The following OAF variants were observed in gnomAD, a reference collection of about 807,000 sequenced individuals.
OAF encodes the protein out at first protein homolog.
Under a neutral mutation model 22.5 loss-of-function variants are expected in OAF, and 13 were observed. The observed-to-expected ratio is 0.58, with a 90% confidence interval of 0.38 to 0.92. The LOEUF is 0.92. Among genes scored for constraint, OAF ranks in the 40% least tolerant of loss-of-function variants. The pLI is 0.00. For missense variants in OAF, 347 were observed against 381.8 expected (o/e 0.91, Z 0.76); for synonymous variants, 175 against 170.5 (o/e 1.03, Z -0.21).
intron 1 of OAF, among the ~76,000 whole-genome samples, chr11:120,220,800 A>C (rs1938271750): frequency 6.6e-6 from 1 of 152,206 alleles, no homozygotes. Flanking sequence ...GGTTCAGTGC[A>C]TGGGAAGTGC....
intron 1 of OAF, among the ~76,000 whole-genome samples, chr11:120,215,267 T>C (rs187558504): frequency 1.2e-3 from 189 of 152,260 alleles, no homozygotes; most frequent in African/African-American, 3.8e-3. Context: ...GGCAGGAGAA[T>C]CGCTTGAATC....
At chr11:120,225,944 G>T in intron 2 of OAF, 149 bp downstream of exon 2, 1 of 654,484 alleles carries the variant, frequency 1.5e-6, no homozygotes, top group African/African-American at 1.9e-5. Flanking sequence ...CCCAACCTTA[G>T]CCTCCCACCC....
intron 3 of OAF, 106 bp downstream of exon 3, chr11:120,227,102 C>A (rs763935126): frequency 5.5e-6 from 4 of 721,404 alleles, no homozygotes; most frequent in Non-Finnish European, 8.9e-6. Flanking sequence ...TGAGTCTCAT[C>A]ATTAGCCAAG....
chr11:120,225,082 A>G (rs1283756380), intron 1 of OAF, among the ~76,000 whole-genome samples: 3 of 152,164 alleles, frequency 2.0e-5, no homozygotes, highest in African/African-American at 7.2e-5. Flanking sequence ...TAGCTCCCTC[A>G]GGCCGGAAGG....
chr11:120,224,723 G>A (rs1029944498), intron 1 of OAF, among the ~76,000 whole-genome samples: 1 of 152,144 alleles, frequency 6.6e-6, no homozygotes, highest in Non-Finnish European at 1.5e-5. Context: ...CTGAGGTCAG[G>A]GTGCCTCCAC....
rs1269655072 is a variant in OAF at position 120,211,365 on chromosome 11, C to T, written c.86C>T (p.Pro29Leu). The part of the protein sequence containing the change: ...LLAPLLGTGA[P>L]AELRVRVRLP... ...GCGCCGCTGCTGGGAACGGGTGCGCCGGCCGAGCTGCGGGTCCGCGTGCGG... is the reference window on the plus strand; with the variant it reads ...GCGCCGCTGCTGGGAACGGGTGCGCTGGCCGAGCTGCGGGTCCGCGTGCGG... Residue 29 changes from proline to leucine, a missense_variant, in exon 1 of 4, where the codon CCG becomes CTG. Coordinates refer to ENST00000328965, the MANE Select transcript of OAF (RefSeq NM_178507.4). 4 of 1,447,178 alleles carry T rather than the reference C, an allele frequency of 2.8e-6. No individual in the cohort carries two copies. The highest frequency in any genetic ancestry group is 2.4e-5 in the Admixed American group (1 of 40,866). 89.6% of individuals were successfully genotyped at this position (1,447,178 alleles called of 1,614,324 possible). A position where few individuals can be genotyped will look rare whatever the true frequency, so the allele number is the denominator to read the frequency against.
rs1938145623 is a variant in OAF, at chr11:120,211,445, A to G, written c.166A>G (p.Ser56Gly). The change falls in exon 1 of 4, where the codon AGC (serine) becomes GGC (glycine). Residue 56 changes from serine to glycine, a missense_variant. Physicochemically the swap from Ser to Gly is moderately conservative, Grantham distance 56. Transcript: ENST00000328965. ...CCTGCAGGCGGACAGCGACGCGGAC[A>G]GCATCAGCCTCGAGCTGCGCAAGCC... ...ESLQADSDADSISLELRKPDG... is the reference protein window; with the variant it reads ...ESLQADSDADGISLELRKPDG... 6.4e-7 allele frequency: 1 copy of G among 1,565,114 alleles called. No individual in the cohort carries two copies. Among genetic ancestry groups the G allele is most frequent in the African/African-American group, 1.4e-5 (1 of 71,282 alleles).
At chr11:120,228,825 T>TACCCAA in intron 3 of OAF, 43 bp from the exon 4 acceptor site, 23 of 434,156 alleles carry the variant, frequency 5.3e-5, no homozygotes, top group East Asian at 2.2e-4. Flanking sequence ...GCTCCTTCCC[T>TACCCAA]CCCTCCCTCC....
At chr11:120,222,324 A>T (rs1251275216) in intron 1 of OAF, among the ~76,000 whole-genome samples, 1 of 150,652 alleles carries the variant, frequency 6.6e-6, no homozygotes, top group African/African-American at 2.4e-5. Flanking sequence ...TTGGGAGGCC[A>T]AGGCAGGCGG....
intron 1 of OAF, chr11:120,213,721 T>C (rs1686244424): frequency 6.6e-6 from 1 of 152,162 alleles, no homozygotes; most frequent in African/African-American, 2.4e-5. Context: ...CCATGCCTCA[T>C]AGTGTTTGTC....
chr11:120,222,443 C>T (rs190266923), intron 1 of OAF, among the ~76,000 whole-genome samples: 3 of 152,106 alleles, frequency 2.0e-5, no homozygotes, highest in Non-Finnish European at 2.9e-5. Flanking sequence ...GTAATCCCAG[C>T]TACTCCAGAG....
intron 1 of OAF, chr11:120,213,767 A>G (rs1938179463): frequency 6.6e-6 from 1 of 152,072 alleles, no homozygotes; most frequent in African/African-American, 2.4e-5. Context: ...AGAAGGAATG[A>G]TTTTTCCTAT....
chr11:120,228,664 T>C (rs1056035995), intron 3 of OAF, among the ~76,000 whole-genome samples: 1 of 152,178 alleles, frequency 6.6e-6, no homozygotes, highest in African/African-American at 2.4e-5. Flanking sequence ...CTATTTAATC[T>C]GTTTCTCCCA....
At chr11:120,212,625 T>C (rs1171382598) in intron 1 of OAF, among the ~76,000 whole-genome samples, 1 of 151,056 alleles carries the variant, frequency 6.6e-6, no homozygotes, top group Non-Finnish European at 1.5e-5. Context: ...CTGTCTTTCC[T>C]CCCTCGTAGA....
chr11:120,215,269 G>A (rs1233628339), intron 1 of OAF, among the ~76,000 whole-genome samples: 3 of 152,200 alleles, frequency 2.0e-5, no homozygotes, highest in East Asian at 1.9e-4. Flanking sequence ...CAGGAGAATC[G>A]CTTGAATCCA....
intron 1 of OAF, among the ~76,000 whole-genome samples, chr11:120,220,657 G>A (rs1448414047): frequency 6.6e-6 from 1 of 152,178 alleles, no homozygotes; most frequent in Non-Finnish European, 1.5e-5. Flanking sequence ...GAGGAGGGTC[G>A]TTTGTGAGCT....
In OAF at chr11:120,211,271, C is replaced by A. The variant is rs1349817746; in HGVS notation, c.-9C>A. On this transcript the variant is annotated 5_prime_UTR_variant, in exon 1 of 4. Transcript: ENST00000328965. ...GCGCCGGGGCCGCGGACGGCAGCGG[C>A]CCCCGGGGATGCGCCTTCCCGGGGT... 1 of 1,214,734 alleles carries A rather than the reference C, an allele frequency of 8.2e-7. No individual in the cohort carries two copies. The highest frequency in any genetic ancestry group is 1.0e-6 in the Non-Finnish European group (1 of 975,856). 75.2% of individuals were successfully genotyped at this position (1,214,734 alleles called of 1,614,324 possible).
At chr11:120,219,307 C>T (rs987198916) in intron 1 of OAF, among the ~76,000 whole-genome samples, 29 of 152,206 alleles carry the variant, frequency 1.9e-4, no homozygotes, top group Middle Eastern at 3.4e-3. Flanking sequence ...TGAAAGAGGA[C>T]GGTGTGCGCG....
At chr11:120,219,876 C>T (rs773205475) in intron 1 of OAF, among the ~76,000 whole-genome samples, 45 of 152,194 alleles carry the variant, frequency 3.0e-4, no homozygotes, top group Non-Finnish European at 4.6e-4. Context: ...TATCAGCCTG[C>T]AGGAGCCCAG....
Sources: allele counts gnomAD v4.1 joint callset (sites outside exome capture counted in the v4.1 genomes callset), GRCh38; gene constraint gnomAD v4.1.1; transcripts MANE v1.5; gene names NCBI Gene and HGNC (gene_info 2026-07-23, HGNC 2026-07-21).